The following SH3GL3 variants were observed in gnomAD, a reference collection of about 807,000 sequenced individuals.
SH3GL3 encodes SH3 domain containing GRB2 like 3, endophilin A3, also known as endophilin-A3.
SH3GL3 carries 33 observed loss-of-function variants against 47.7 expected under a neutral mutation model. The ratio of observed to expected loss-of-function variants is 0.69; its 90% CI spans 0.52 to 0.92. The LOEUF (loss-of-function observed/expected upper bound fraction) is 0.92. Ranked by LOEUF, SH3GL3 falls within the 40% of genes least tolerant of loss-of-function variation. The pLI is 0.00. For synonymous variants in SH3GL3, 155 were observed against 148.8 expected (o/e 1.04, Z -0.30); for missense variants, 363 against 417.8 (o/e 0.87, Z 1.14).
chr15:83,450,214 G>C (rs1256777637), intron 1 of SH3GL3, among the ~76,000 whole-genome samples: 1 of 152,208 alleles, frequency 6.6e-6, no homozygotes, highest in Non-Finnish European at 1.5e-5. Flanking sequence ...ACAACTCTGT[G>C]AATATGCTGA....
chr15:83,576,387 A>C (rs1263834283), intron 5 of SH3GL3, among the ~76,000 whole-genome samples, 196 bp from the exon 6 acceptor site: 1 of 152,172 alleles, frequency 6.6e-6, no homozygotes, highest in Non-Finnish European at 1.5e-5. Context: ...CATTCATTCC[A>C]CAAATATTCC....
intron 1 of SH3GL3, among the ~76,000 whole-genome samples, chr15:83,472,617 T>C (rs577269783): frequency 3.1e-4 from 47 of 152,336 alleles, no homozygotes; most frequent in African/African-American, 9.9e-4. Context: ...TCACTGCTTC[T>C]AGCATCTTCA....
chr15:83,582,884 G>A (rs2059866818), intron 6 of SH3GL3, among the ~76,000 whole-genome samples: 1 of 152,184 alleles, frequency 6.6e-6, no homozygotes, highest in Admixed American at 6.5e-5. Context: ...TATTATCCAT[G>A]TTATTAATTT....
chr15:83,489,326 C>T (rs1229028601), intron 1 of SH3GL3: 1 of 152,160 alleles, frequency 6.6e-6, no homozygotes, highest in Non-Finnish European at 1.5e-5. Flanking sequence ...TAAAAACCAC[C>T]TCAAATTTCC....
chr15:83,533,045 G>C (rs897363861), intron 1 of SH3GL3, among the ~76,000 whole-genome samples: 2 of 152,178 alleles, frequency 1.3e-5, no homozygotes, highest in African/African-American at 2.4e-5. Flanking sequence ...TGCAAAATTT[G>C]GGTTCTGTTA....
At chr15:83,599,455 T>G (rs1567026629) in intron 8 of SH3GL3, among the ~76,000 whole-genome samples, 1 of 152,236 alleles carries the variant, frequency 6.6e-6, no homozygotes. Context: ...ATGTTTGGTT[T>G]TCCATTCCTG....
intron 1 of SH3GL3, among the ~76,000 whole-genome samples, chr15:83,465,225 T>C (rs2040516557): frequency 6.6e-6 from 1 of 151,686 alleles, no homozygotes; most frequent in Non-Finnish European, 1.5e-5. Context: ...TAGGAGACTG[T>C]CTTGAACCCA....
At chr15:83,592,186 TC>T (rs2060125072) in intron 8 of SH3GL3, among the ~76,000 whole-genome samples, 1 of 152,230 alleles carries the variant, frequency 6.6e-6, no homozygotes, top group Non-Finnish European at 1.5e-5. Context: ...TGTATTGATT[TC>T]CTGATATGGA....
chr15:83,560,763 A>T (rs1331150375), intron 2 of SH3GL3, among the ~76,000 whole-genome samples: 1 of 152,240 alleles, frequency 6.6e-6, no homozygotes, highest in African/African-American at 2.4e-5. Flanking sequence ...AGACCCACCT[A>T]ATAAATGATA....
chr15:83,563,337 TAACA>T (rs2045375527), intron 2 of SH3GL3, among the ~76,000 whole-genome samples: 1 of 152,224 alleles, frequency 6.6e-6, no homozygotes, highest in East Asian at 1.9e-4. Context: ...TAAAATGGCC[TAACA>T]AACATGTTTT....
intron 2 of SH3GL3, among the ~76,000 whole-genome samples, chr15:83,563,619 C>A (rs1251753386): frequency 6.6e-6 from 1 of 151,954 alleles, no homozygotes; most frequent in Non-Finnish European, 1.5e-5. Context: ...TCTTTGTAGG[C>A]AGCTTGTGTT....
At chr15:83,629,647 C>T in the SH3GL3 span, among the ~76,000 whole-genome samples, 1 of 151,976 alleles carries the variant, frequency 6.6e-6, no homozygotes, top group Non-Finnish European at 1.5e-5. Context: ...CAGTGAGATC[C>T]CATCCCTACA....
At chr15:83,606,711 C>G (rs530913319) in intron 8 of SH3GL3, among the ~76,000 whole-genome samples, 1 of 152,206 alleles carries the variant, frequency 6.6e-6, no homozygotes, top group South Asian at 2.1e-4. Context: ...TCTGGAACTT[C>G]TTAGTTGTAT....
chr15:83,522,777 A>C (rs774578992), intron 1 of SH3GL3, among the ~76,000 whole-genome samples: 10 of 152,240 alleles, frequency 6.6e-5, no homozygotes, highest in Admixed American at 6.5e-4. Context: ...TTTCTGATCC[A>C]AATATCCTAT....
chr15:83,569,714 T>G (rs945788300), intron 4 of SH3GL3, among the ~76,000 whole-genome samples: 2 of 152,248 alleles, frequency 1.3e-5, no homozygotes, highest in Non-Finnish European at 2.9e-5. Context: ...TCATTTGATA[T>G]GTAGTATACA....
chr15:83,511,309 C>T (rs1360896711), intron 1 of SH3GL3, among the ~76,000 whole-genome samples: 1 of 152,112 alleles, frequency 6.6e-6, no homozygotes, highest in Admixed American at 6.5e-5. Context: ...TGGCAGAGTG[C>T]CTGGTGTGCA....
chr15:83,507,164 C>G (rs2042545925), intron 1 of SH3GL3, among the ~76,000 whole-genome samples: 3 of 151,870 alleles, frequency 2.0e-5, no homozygotes, highest in Admixed American at 6.6e-5. Context: ...CACCACCATG[C>G]CTGGCTAATT....
intron 8 of SH3GL3, among the ~76,000 whole-genome samples, chr15:83,590,348 A>G (rs1168105817): frequency 6.6e-6 from 1 of 152,170 alleles, no homozygotes; most frequent in Non-Finnish European, 1.5e-5. Context: ...GTGCCCTGTC[A>G]TGATTACATT....
intron 1 of SH3GL3, among the ~76,000 whole-genome samples, chr15:83,470,520 C>G (rs563546429): frequency 9.9e-5 from 15 of 152,282 alleles, no homozygotes; most frequent in Middle Eastern, 3.4e-3. Flanking sequence ...AGCCACTGAG[C>G]CTGGCCTGAA....
Sources: allele counts gnomAD v4.1 joint callset (sites outside exome capture counted in the v4.1 genomes callset), GRCh38; gene constraint gnomAD v4.1.1; transcripts MANE v1.5; gene names NCBI Gene and HGNC (gene_info 2026-07-23, HGNC 2026-07-21).